Variants in EVC observed in about 807,000 individuals in gnomAD.
EVC encodes the protein EvC ciliary complex subunit 1.
EVC carries 116 observed loss-of-function variants against 118.9 expected under a neutral mutation model. That is an observed-to-expected ratio of 0.98 (90% CI 0.84 to 1.14). The LOEUF (loss-of-function observed/expected upper bound fraction) is 1.14, where lower values mean the gene tolerates loss of function less well. Among genes scored for constraint, EVC ranks in the 50% most tolerant of loss-of-function variants. EVC has a pLI of 0.00. For synonymous variants in EVC, 619 were observed against 534.7 expected (o/e 1.16, Z -2.18); for missense variants, 1,401 against 1,246.4 (o/e 1.12, Z -1.87).
At chr4:5,747,770 G>A (rs1729588604) in intron 7 of EVC, among the ~76,000 whole-genome samples, 3 of 152,200 alleles carry the variant, frequency 2.0e-5, no homozygotes, top group Non-Finnish European at 4.4e-5. Context: ...TTACTTCCAG[G>A]AAGTATTTAA....
intron 4 of EVC, among the ~76,000 whole-genome samples, chr4:5,732,137 A>T (rs1726923359): frequency 6.6e-6 from 1 of 152,212 alleles, no homozygotes; most frequent in South Asian, 2.1e-4. Flanking sequence ...CAAAGAATAA[A>T]GGGAAACACA....
intron 11 of EVC, among the ~76,000 whole-genome samples, chr4:5,779,108 C>T (rs1735189515): frequency 6.6e-6 from 1 of 151,964 alleles, no homozygotes; most frequent in Admixed American, 6.6e-5. Flanking sequence ...ATCCTTTCCC[C>T]ATTGCTTGTT....
At chr4:5,720,195 G>A (rs1724709734) in intron 2 of EVC, among the ~76,000 whole-genome samples, 1 of 152,164 alleles carries the variant, frequency 6.6e-6, no homozygotes, top group African/African-American at 2.4e-5. Context: ...ATAAGGGGAA[G>A]AGATGGAACT....
intron 11 of EVC, among the ~76,000 whole-genome samples, chr4:5,771,207 G>T (rs1733896559): frequency 6.6e-6 from 1 of 151,938 alleles, no homozygotes; most frequent in Non-Finnish European, 1.5e-5. Context: ...TAAAATGAAG[G>T]TGTCAGCAGG....
intron 12 of EVC, among the ~76,000 whole-genome samples, chr4:5,785,073 T>C (rs1173571219): frequency 6.6e-6 from 1 of 152,298 alleles, no homozygotes; most frequent in East Asian, 1.9e-4. Context: ...CAACTAGCCA[T>C]GGCTGAGTGA....
chr4:5,783,543 C>G lies in EVC; in HGVS notation c.1564-9C>G. Reference sequence around the variant, plus strand: ...GACCTGTAACCCCATCTGTGGTTCTCCGCTCCAGGAGCTGTACTTCAGCAC... The same window carrying G: ...GACCTGTAACCCCATCTGTGGTTCTGCGCTCCAGGAGCTGTACTTCAGCAC... On this transcript the variant is annotated splice_polypyrimidine_tract_variant and intron_variant, in intron 11 of 20. Coordinates refer to ENST00000264956, the MANE Select transcript of EVC (RefSeq NM_153717.3). 1 of 1,614,050 alleles carries G rather than the reference C, an allele frequency of 6.2e-7. No individual in the cohort carries two copies. Among genetic ancestry groups the G allele is most frequent in the African/African-American group, 1.3e-5 (1 of 75,044 alleles).
chr4:5,729,323 C>T lies in EVC; in HGVS notation c.317C>T (p.Ser106Phe), dbSNP rs200668643. The T allele has an allele frequency of 6.2e-7, 1 of 1,614,168 alleles. No individual in the cohort carries two copies. The highest frequency in any genetic ancestry group is 8.5e-7 in the Non-Finnish European group (1 of 1,180,036). ...KEAVDECEPP[S>F]NSNITAFALK... ...CCCTCCCAGGAATGTGAGCCGCCTT[C>T]CAACAGCAATATCACAGCATTCGCC... The change falls in exon 3 of 21, where the codon TCC becomes TTC. Residue 106 changes from serine to phenylalanine, a missense_variant. Transcript: ENST00000264956.
intron 15 of EVC, among the ~76,000 whole-genome samples, chr4:5,800,568 T>C (rs1214107923): frequency 6.6e-6 from 1 of 151,688 alleles, no homozygotes; most frequent in Admixed American, 6.6e-5. Flanking sequence ...CAGAGTGGGG[T>C]GTCCGCCACT....
intron 4 of EVC, among the ~76,000 whole-genome samples, chr4:5,732,942 G>A (rs754950479): frequency 6.6e-6 from 1 of 152,210 alleles, no homozygotes; most frequent in Non-Finnish European, 1.5e-5. Flanking sequence ...CCCGGGAGGT[G>A]GAGGCTGCAG....
downstream of EVC, among the ~76,000 whole-genome samples, chr4:5,815,469 TGGG>T (rs1200212650): frequency 6.6e-6 from 1 of 151,712 alleles, no homozygotes; most frequent in Admixed American, 6.6e-5. Context: ...AGACGGGAAA[TGGG>T]GGAAATGTGG....
intron 17 of EVC, among the ~76,000 whole-genome samples, chr4:5,806,366 C>T (rs1306230159): frequency 6.6e-6 from 1 of 152,104 alleles, no homozygotes; most frequent in Non-Finnish European, 1.5e-5. Context: ...AGGTGTGAGC[C>T]ACTGCGCCCA....
rs1467864808 is a variant in EVC at position 5,723,148 on chromosome 4, G to A, written c.300+3775G>A. Among the ~76,000 whole-genome samples, 5 of 151,726 alleles carry A rather than the reference G, an allele frequency of 3.3e-5. 1 individual carries two copies. Among genetic ancestry groups the A allele is most frequent in the African/African-American group, 7.3e-5 (3 of 41,280 alleles). On this transcript the variant is annotated intron_variant, in intron 2 of 20. Coordinates refer to ENST00000264956, the MANE Select transcript of EVC (RefSeq NM_153717.3). ...CGGCTCCTCCATCCCCAGGTGCTGC[G>A]CCTACAGGTCTTGGGTGGACCCAGC...
At chr4:5,761,773 G>C (rs1029120711) in intron 11 of EVC, among the ~76,000 whole-genome samples, 2 of 151,808 alleles carry the variant, frequency 1.3e-5, no homozygotes, top group African/African-American at 2.4e-5. Context: ...GCTAGCAAGG[G>C]AAGGGGTACA....
Position 5,741,727 on chromosome 4 carries a change from G to C in EVC, c.714G>C (p.Gln238His), listed in dbSNP as rs1195994043. 6.4e-6 allele frequency: 10 copies of C among 1,563,620 alleles called. No individual in the cohort carries two copies. The change falls in exon 6 of 21, where the codon CAG (glutamine) becomes CAC (histidine). Residue 238 changes from glutamine to histidine, a missense_variant. Transcript: ENST00000264956. ...TTTCTTGGCAATAGATGTTTATTCA[G>C]ATTTTTAAAATGTGCCTCCTTGACC... ...LRQEKHMMFI[Q>H]IFKMCLLDLL...
In EVC at chr4:5,764,638, T is replaced by C. The variant is rs1732587317; in HGVS notation, c.1563+8276T>C. On this transcript the variant is annotated intron_variant, in intron 11 of 20. Transcript: ENST00000264956. ...TTCCTGGTTTAGTCTTGGGAGAGTG[T>C]ATGTGTTGAGGAATTTATCCATTTC... 1.4e-5 allele frequency among the ~76,000 whole-genome samples: 2 copies of C among 146,526 alleles called. 1 individual carries two copies. The highest frequency in any genetic ancestry group is 3.0e-5 in the Non-Finnish European group (2 of 65,668).
At chr4:5,729,083 C>A (rs1726352398) in intron 2 of EVC, among the ~76,000 whole-genome samples, 1 of 152,020 alleles carries the variant, frequency 6.6e-6, no homozygotes, top group African/African-American at 2.4e-5. Context: ...TGCCCACCCA[C>A]CCATTCATTC....
At position 5,729,300 on chromosome 4, in the gene EVC, C is replaced by T. The variant is rs764925850; in HGVS notation, c.301-7C>T. 4.3e-6 allele frequency: 7 copies of T among 1,613,944 alleles called. No individual in the cohort carries two copies. In the African/African-American group the frequency reaches 5.3e-5, roughly 12 times the overall value. ...TTTCCCATGCCGTTTGTGTCTTTCC[C>T]TCCCAGGAATGTGAGCCGCCTTCCA... On this transcript the variant is annotated splice_region_variant and splice_polypyrimidine_tract_variant and intron_variant, in intron 2 of 20. Transcript: ENST00000264956.
the EVC span, chr4:5,825,133 A>T: frequency 5.1e-6 from 5 of 985,404 alleles, no homozygotes; most frequent in South Asian, 2.3e-4. The surrounding 1 kb of genome is among the most constrained non-coding windows in gnomAD (Gnocchi z 4.4). Flanking sequence ...TGCCCTGCAA[A>T]TGGCAGCTAC....
chr4:5,780,003 T>A lies in EVC; in HGVS notation c.1564-3549T>A, dbSNP rs1212078961. Among the ~76,000 whole-genome samples, 3 of 152,250 alleles carry A rather than the reference T, an allele frequency of 2.0e-5. No homozygotes were observed. The East Asian group carries it at 5.8e-4, about 29-fold the overall frequency. On this transcript the variant is annotated intron_variant, in intron 11 of 20. Transcript: ENST00000264956. ...TTGTCATAGATAGCTCTTATTATTT[T>A]GAGATACGTCCCATCAATACCTAAT...
Sources: allele counts gnomAD v4.1 joint callset (sites outside exome capture counted in the v4.1 genomes callset), GRCh38; gene constraint gnomAD v4.1.1; non-coding constraint Gnocchi (gnomAD v3.1); transcripts MANE v1.5; gene names NCBI Gene and HGNC (gene_info 2026-07-23, HGNC 2026-07-21).